SLC22A4: variants seen among roughly 807,000 people sequenced by gnomAD.
SLC22A4 encodes ET transporter.
SLC22A4 carries 39 observed loss-of-function variants against 56.6 expected under a neutral mutation model. The ratio of observed to expected loss-of-function variants is 0.69; its 90% CI spans 0.53 to 0.90. SLC22A4 has a LOEUF of 0.90. SLC22A4 is among the 40% of genes least tolerant of loss of function. The pLI is 0.00. For missense variants in SLC22A4, 594 were observed against 696.5 expected (o/e 0.85, Z 1.66); for synonymous variants, 241 against 281.4 (o/e 0.86, Z 1.44).
At chr5:132,343,454 C>T (rs1751279653) in intron 9 of SLC22A4, among the ~76,000 whole-genome samples, 1 of 152,196 alleles carries the variant, frequency 6.6e-6, no homozygotes, top group East Asian at 1.9e-4. Flanking sequence ...AAGTTGTTTT[C>T]TTCTAATGAT....
chr5:132,309,549 C>T (rs186903048), intron 1 of SLC22A4, among the ~76,000 whole-genome samples: 259 of 152,330 alleles, frequency 1.7e-3, no homozygotes, highest in African/African-American at 5.9e-3. Context: ...TGGCCCTCAC[C>T]TCACCCCCCT....
chr5:132,321,419 T>C (rs1342356073), intron 3 of SLC22A4, among the ~76,000 whole-genome samples: 1 of 152,106 alleles, frequency 6.6e-6, no homozygotes, highest in Admixed American at 6.6e-5. Flanking sequence ...CCAATGTCTG[T>C]TTATTTACAG....
intron 1 of SLC22A4, among the ~76,000 whole-genome samples, chr5:132,306,257 TAC>T (rs1426192221): frequency 2.6e-5 from 4 of 151,290 alleles, no homozygotes; most frequent in Non-Finnish European, 5.9e-5. Context: ...TGAAAACATG[TAC>T]ACACAAAATG....
intron 1 of SLC22A4, among the ~76,000 whole-genome samples, chr5:132,298,840 G>A (rs1322612202): frequency 6.6e-6 from 1 of 152,212 alleles, no homozygotes; most frequent in Non-Finnish European, 1.5e-5. Context: ...GGGGACAGTG[G>A]GCATGGTGGG....
At chr5:132,301,945 G>A (rs1156312189) in intron 1 of SLC22A4, among the ~76,000 whole-genome samples, 4 of 152,248 alleles carry the variant, frequency 2.6e-5, no homozygotes, top group Non-Finnish European at 5.9e-5. Flanking sequence ...CCCTCTGGCA[G>A]ATTCCAAAGG....
intron 1 of SLC22A4, among the ~76,000 whole-genome samples, chr5:132,300,041 T>G (rs1360988978): frequency 6.6e-6 from 1 of 152,222 alleles, no homozygotes; most frequent in Non-Finnish European, 1.5e-5. Context: ...GTCTCCAATC[T>G]GTGATTGTTC....
In SLC22A4 at chr5:132,294,485, C is replaced by A; in HGVS notation, c.-132C>A. 2 of 1,317,478 alleles carry A rather than the reference C, an allele frequency of 1.5e-6. No individual in the cohort carries two copies. The allele number at this position is 1,317,478 out of a possible 1,614,324, so 81.6% of individuals were successfully genotyped here. On this transcript the variant is annotated 5_prime_UTR_variant, in exon 1 of 10. Coordinates refer to ENST00000200652, the MANE Select transcript of SLC22A4 (RefSeq NM_003059.3). The surrounding 1 kb of genome is among the most constrained non-coding windows in gnomAD (Gnocchi z 5.6). The stretch of plus-strand genomic sequence containing the variant: ...CCAGGAACGGTCCCCGGCTTCGCGC[C>A]CCAATTTCTAACAGCCTGCCTGTCC...
At chr5:132,341,375 G>C (rs1340084841) in intron 9 of SLC22A4, among the ~76,000 whole-genome samples, 1 of 150,570 alleles carries the variant, frequency 6.6e-6, no homozygotes, top group African/African-American at 2.4e-5. Flanking sequence ...CCAACATCAT[G>C]CCACCGCACT....
intron 1 of SLC22A4, among the ~76,000 whole-genome samples, chr5:132,295,959 G>T (rs1269996627): frequency 6.6e-6 from 1 of 152,216 alleles, no homozygotes; most frequent in Non-Finnish European, 1.5e-5. Context: ...CTTGTGCTGA[G>T]CACTAAGGTG....
intron 5 of SLC22A4, among the ~76,000 whole-genome samples, 166 bp from the exon 6 acceptor site, chr5:132,331,578 AAAGTGTCAGAGT>A (rs1750860487): frequency 6.6e-6 from 1 of 152,246 alleles, no homozygotes; most frequent in Non-Finnish European, 1.5e-5. Context: ...CAAACATTTT[AAAGTGTCAGAGT>A]AAGTGTCATA....
chr5:132,320,201 A>G (rs984995562), intron 3 of SLC22A4, among the ~76,000 whole-genome samples: 1 of 152,184 alleles, frequency 6.6e-6, no homozygotes, highest in African/African-American at 2.4e-5. Flanking sequence ...AGAGAGGGAG[A>G]TTATCCAGGA....
At position 132,295,026 on chromosome 5, in the gene SLC22A4, G is replaced by C; in HGVS notation, c.393+17G>C. 1 of 1,598,674 alleles carries C rather than the reference G, an allele frequency of 6.3e-7. No homozygotes were observed. Among genetic ancestry groups the C allele is most frequent in the Non-Finnish European group, 8.5e-7 (1 of 1,173,222 alleles). On this transcript the variant is annotated intron_variant, in intron 1 of 9. Coordinates refer to ENST00000200652, the MANE Select transcript of SLC22A4 (RefSeq NM_003059.3). The stretch of plus-strand genomic sequence containing the variant: ...GTGACCGAGGTGGGTGCCAGGCCGA[G>C]ACCGTTGACCCGGGAGTGCCTGACC...
chr5:132,323,127 C>A (rs1229193393), intron 4 of SLC22A4, among the ~76,000 whole-genome samples: 2 of 152,150 alleles, frequency 1.3e-5, no homozygotes, highest in African/African-American at 2.4e-5. Flanking sequence ...GTCTCTCTCT[C>A]ATTCTCTTTC....
chr5:132,314,966 C>T (rs1750296000), intron 3 of SLC22A4, among the ~76,000 whole-genome samples: 1 of 152,146 alleles, frequency 6.6e-6, no homozygotes, highest in South Asian at 2.1e-4. Context: ...GGAGGCTGCT[C>T]CCCTTCCTGC....
At chr5:132,307,140 GTAAT>G (rs913528506) in intron 1 of SLC22A4, among the ~76,000 whole-genome samples, 3 of 152,134 alleles carry the variant, frequency 2.0e-5, no homozygotes, top group African/African-American at 7.2e-5. Context: ...TTACAAAAAA[GTAAT>G]TAACTAGCCA....
At chr5:132,300,827 G>A (rs1749891582) in intron 1 of SLC22A4, among the ~76,000 whole-genome samples, 1 of 152,244 alleles carries the variant, frequency 6.6e-6, no homozygotes, top group African/African-American at 2.4e-5. Flanking sequence ...AGGAACGCAA[G>A]CAGGGACTGG....
intron 4 of SLC22A4, among the ~76,000 whole-genome samples, chr5:132,324,864 C>T (rs1750645871): frequency 6.6e-6 from 1 of 151,960 alleles, no homozygotes. Context: ...AGATTATGTG[C>T]ACCAAAAAAA....
At chr5:132,336,517 T>C (rs1011589930) in intron 8 of SLC22A4, among the ~76,000 whole-genome samples, 1 of 151,956 alleles carries the variant, frequency 6.6e-6, no homozygotes, top group Non-Finnish European at 1.5e-5. Flanking sequence ...AGAGCAAAAC[T>C]CTGTCTCAAA....
chr5:132,294,744 C>G lies in SLC22A4; in HGVS notation c.128C>G (p.Ala43Gly). 6.2e-7 allele frequency: 1 copy of G among 1,613,932 alleles called. No homozygotes were observed. The highest frequency in any genetic ancestry group is 8.5e-7 in the Non-Finnish European group (1 of 1,180,036). The change falls in exon 1 of 10, where the codon GCG becomes GGG. Residue 43 changes from alanine (A) to glycine (G), a missense_variant. Ala to Gly is a moderately conservative substitution (Grantham distance 60). Transcript: ENST00000200652. The surrounding 1 kb of genome is among the most constrained non-coding windows in gnomAD (Gnocchi z 5.6). ...GFNGMSVVFL[A>G]GTPEHRCRVP... ...AATGGTATGTCAGTCGTGTTCCTGG[C>G]GGGGACCCCGGAGCACCGCTGTCGA...
Sources: gnomAD v4.1 joint callset for allele counts (sites outside exome capture counted in the v4.1 genomes callset) on GRCh38, gnomAD v4.1.1 for gene constraint, Gnocchi (gnomAD v3.1) non-coding constraint, MANE v1.5 for transcripts, NCBI Gene and HGNC (gene_info 2026-07-23, HGNC 2026-07-21) for gene names.